ABCA8: variants seen among roughly 807,000 people sequenced by gnomAD.
ABCA8 encodes the protein ATP binding cassette subfamily A member 8.
In ABCA8, 177 loss-of-function variants were observed where a neutral mutation model predicts 192.3. The ratio of observed to expected loss-of-function variants is 0.92; its 90% CI spans 0.81 to 1.04. The LOEUF is 1.04. Ranked by LOEUF, ABCA8 falls within the 50% of genes least tolerant of loss-of-function variation. The pLI, the probability that ABCA8 is intolerant of heterozygous loss-of-function variation, is 0.00. For missense variants in ABCA8, 1,915 were observed against 1,904.8 expected (o/e 1.01, Z -0.10); for synonymous variants, 642 against 690.2 (o/e 0.93, Z 1.09).
In ABCA8 at chr17:68,927,937, A is replaced by G. The variant is rs777342052; in HGVS notation, c.1252T>C (p.Tyr418His). 1.9e-6 allele frequency: 3 copies of G among 1,602,046 alleles called. No homozygotes were observed. Among genetic ancestry groups the G allele is most frequent in the Non-Finnish European group, 2.6e-6 (3 of 1,176,334 alleles). ...DTCLYLALAI[Y>H]FEKILPNEYG... ...TCACTTGGCAAAATTTTTTCAAAGT[A>G]AATCGCCAATGCCAGATAGAGGCAA... is the stretch of plus-strand genomic sequence containing the variant. Residue 418 changes from tyrosine (Y) to histidine (H), a missense_variant, in exon 10 of 40, where the codon TAC becomes CAC. Transcript: ENST00000586539.
chr17:68,881,314 T>TG, intron 31 of ABCA8, 103 bp from the exon 32 acceptor site: 1 of 832,880 alleles, frequency 1.2e-6, no homozygotes, highest in Non-Finnish European at 1.9e-6. Flanking sequence ...CTATTAGTTG[T>TG]CATTTAATTG....
intron 1 of ABCA8, among the ~76,000 whole-genome samples, chr17:68,954,365 G>T (rs1214497686): frequency 6.6e-6 from 1 of 152,018 alleles, no homozygotes; most frequent in Non-Finnish European, 1.5e-5. Context: ...TAGGTAGCAT[G>T]CAAACTCCAG....
intron 30 of ABCA8, 45 bp downstream of exon 30, chr17:68,882,554 G>C: frequency 6.5e-7 from 1 of 1,528,210 alleles, no homozygotes; most frequent in Non-Finnish European, 8.9e-7. Flanking sequence ...TAGAGAATTA[G>C]ACTGGTAGAC....
chr17:68,926,931 G>A (rs953703705), intron 10 of ABCA8, among the ~76,000 whole-genome samples: 4 of 152,110 alleles, frequency 2.6e-5, no homozygotes, highest in African/African-American at 9.7e-5. Context: ...GGAGAATCAG[G>A]GCCTGCCTTT....
intron 17 of ABCA8, among the ~76,000 whole-genome samples, chr17:68,908,952 G>A (rs1006619342): frequency 3.9e-5 from 6 of 152,150 alleles, no homozygotes; most frequent in African/African-American, 1.4e-4. Context: ...TTGACCAAAT[G>A]CATAAGTCAA....
At chr17:68,945,769 T>C (rs997905644) in intron 2 of ABCA8, among the ~76,000 whole-genome samples, 46 of 152,090 alleles carry the variant, frequency 3.0e-4, no homozygotes, top group African/African-American at 1.1e-3. Context: ...CTCTCTCGAA[T>C]AGCAGATATG....
At chr17:68,930,311 A>G (rs1282591652) in intron 7 of ABCA8, among the ~76,000 whole-genome samples, 1 of 152,116 alleles carries the variant, frequency 6.6e-6, no homozygotes, top group Admixed American at 6.6e-5. Context: ...CTTCCCCAAA[A>G]GCTGTTGTCA....
intron 26 of ABCA8, among the ~76,000 whole-genome samples, chr17:68,886,283 T>G (rs1053048974): frequency 9.2e-5 from 14 of 152,330 alleles, no homozygotes; most frequent in African/African-American, 3.4e-4. Flanking sequence ...GCCATGATTT[T>G]ATTTTTTGCC....
intron 1 of ABCA8, among the ~76,000 whole-genome samples, chr17:68,952,276 T>C (rs2068587276): frequency 6.6e-6 from 1 of 152,118 alleles, no homozygotes; most frequent in Non-Finnish European, 1.5e-5. Context: ...TGGAGTGCAG[T>C]GGTGCGATCT....
intron 2 of ABCA8, among the ~76,000 whole-genome samples, chr17:68,947,852 C>A (rs2068454869): frequency 6.6e-6 from 1 of 152,172 alleles, no homozygotes; most frequent in South Asian, 2.1e-4. Flanking sequence ...AGGTTTTAAG[C>A]CCCGCACGCA....
intron 29 of ABCA8, among the ~76,000 whole-genome samples, chr17:68,883,497 T>C (rs920984406): frequency 3.3e-5 from 5 of 152,192 alleles, no homozygotes; most frequent in Non-Finnish European, 5.9e-5. Context: ...TTTATTCAAC[T>C]GGCAATATAT....
chr17:68,953,206 C>A (rs1297232757), intron 1 of ABCA8, among the ~76,000 whole-genome samples: 1 of 152,180 alleles, frequency 6.6e-6, no homozygotes, highest in African/African-American at 2.4e-5. Context: ...ATGTGAAGGA[C>A]ATGACTTGGA....
intron 37 of ABCA8, among the ~76,000 whole-genome samples, chr17:68,873,000 A>T (rs1221669792): frequency 6.6e-6 from 1 of 152,196 alleles, no homozygotes; most frequent in Non-Finnish European, 1.5e-5. Flanking sequence ...AAATTTTAAA[A>T]GTAAATTTAG....
intron 27 of ABCA8, 134 bp from the exon 28 acceptor site, chr17:68,884,530 G>A (rs1326394359): frequency 1.5e-6 from 2 of 1,353,766 alleles, no homozygotes; most frequent in African/African-American, 3.0e-5. Context: ...TTTCTAAAGT[G>A]TATAGCAAGG....
At chr17:68,954,622 A>G (rs2068664304) in intron 1 of ABCA8, among the ~76,000 whole-genome samples, 1 of 152,218 alleles carries the variant, frequency 6.6e-6, no homozygotes, top group African/African-American at 2.4e-5. Flanking sequence ...CATTTTAAAT[A>G]ACATTGTGGT....
intron 37 of ABCA8, among the ~76,000 whole-genome samples, chr17:68,870,797 A>G (rs2066028492): frequency 6.6e-6 from 1 of 152,206 alleles, no homozygotes; most frequent in African/African-American, 2.4e-5. Flanking sequence ...TAGTGCTGCA[A>G]TGAAAATGTG....
chr17:68,924,680 C>A (rs759325842), intron 11 of ABCA8, 21 bp downstream of exon 11: 1 of 1,603,072 alleles, frequency 6.2e-7, no homozygotes, highest in South Asian at 1.1e-5. Flanking sequence ...TTGCCCTGTT[C>A]TCCACCTGCA....
intron 24 of ABCA8, 54 bp downstream of exon 24, chr17:68,891,435 A>G (rs1043159528): frequency 9.5e-6 from 12 of 1,265,296 alleles, no homozygotes; most frequent in African/African-American, 8.9e-5. Flanking sequence ...TTGTAAAATT[A>G]CCTTCTGCTT....
chr17:68,942,438 T>C (rs1354174409), intron 2 of ABCA8, among the ~76,000 whole-genome samples: 3 of 152,190 alleles, frequency 2.0e-5, no homozygotes, highest in Non-Finnish European at 4.4e-5. Flanking sequence ...GAATAGTTCA[T>C]TTGCTGAGTT....
Sources: allele counts gnomAD v4.1 joint callset (sites outside exome capture counted in the v4.1 genomes callset), GRCh38; gene constraint gnomAD v4.1.1; transcripts MANE v1.5; gene names NCBI Gene and HGNC (gene_info 2026-07-23, HGNC 2026-07-21).